The following SGPP2 variants were observed in gnomAD, a reference collection of about 807,000 sequenced individuals.
SGPP2 encodes sphingosine 1-phosphate phosphohydrolase 2.
A neutral mutation model predicts 33.9 loss-of-function variants in SGPP2; 30 were observed. That is an observed-to-expected ratio of 0.89 (90% CI 0.66 to 1.20). The LOEUF (loss-of-function observed/expected upper bound fraction) is 1.20, where lower values mean the gene tolerates loss of function less well. Ranked by LOEUF, SGPP2 falls within the 50% of genes most tolerant of loss-of-function variation. The pLI is 0.00. For missense variants in SGPP2, 458 were observed against 532.1 expected, an observed-to-expected ratio of 0.86 and a Z score of 1.37; for synonymous variants, 233 against 225.0, an observed-to-expected ratio of 1.04 and a Z score of -0.32.
intron 2 of SGPP2, among the ~76,000 whole-genome samples, chr2:222,518,876 T>C (rs185561200): frequency 4.6e-5 from 7 of 152,288 alleles, no homozygotes; most frequent in Admixed American, 2.6e-4. Flanking sequence ...CAAACACATA[T>C]GCAACACCTT....
chr2:222,520,008 T>C (rs967836393), intron 2 of SGPP2, among the ~76,000 whole-genome samples: 3 of 152,230 alleles, frequency 2.0e-5, no homozygotes, highest in Non-Finnish European at 2.9e-5. Flanking sequence ...TAGAATGATC[T>C]ATTTTCCTTT....
At chr2:222,472,839 A>G (rs1490529883) in intron 1 of SGPP2, among the ~76,000 whole-genome samples, 2 of 152,092 alleles carry the variant, frequency 1.3e-5, no homozygotes, top group African/African-American at 4.8e-5. Context: ...ACTTGGCGAA[A>G]CCCCGTCTCT....
At chr2:222,446,002 G>C (rs1018742403) in intron 1 of SGPP2, among the ~76,000 whole-genome samples, 3 of 152,228 alleles carry the variant, frequency 2.0e-5, no homozygotes, top group Non-Finnish European at 4.4e-5. Context: ...GATTAAATGT[G>C]CCATGTGGAA....
At chr2:222,429,741 T>A (rs1181737000) in intron 1 of SGPP2, among the ~76,000 whole-genome samples, 2 of 152,198 alleles carry the variant, frequency 1.3e-5, no homozygotes, top group Admixed American at 6.5e-5. Context: ...TTGATTATCT[T>A]CCAAATAAAA....
chr2:222,427,808 C>G (rs1375358456), intron 1 of SGPP2, among the ~76,000 whole-genome samples: 1 of 152,146 alleles, frequency 6.6e-6, no homozygotes, highest in Non-Finnish European at 1.5e-5. Flanking sequence ...TTCCTGTTTT[C>G]AAGTGACTAA....
At position 222,460,430 on chromosome 2, in the gene SGPP2, G is replaced by C. The variant is rs1466966737; in HGVS notation, c.220-14138G>C. Among the ~76,000 whole-genome samples the C allele has an allele frequency of 6.6e-6, 1 of 152,274 alleles. No homozygotes were observed. The highest frequency in any genetic ancestry group is 1.9e-4 in the East Asian group (1 of 5,178). On this transcript the variant is annotated intron_variant, in intron 1 of 4. Coordinates refer to ENST00000321276, the MANE Select transcript of SGPP2 (RefSeq NM_152386.4). This position sits in a 1 kb window ranked among gnomAD's most constrained non-coding sequence, Gnocchi z 4.3. ...AACCCCTGAGAACACGACATAAGCG[G>C]TTGAGCTTCATGGCAATATGTCTGT...
chr2:222,492,020 C>G (rs1369087916), intron 2 of SGPP2, among the ~76,000 whole-genome samples: 2 of 152,200 alleles, frequency 1.3e-5, no homozygotes, highest in East Asian at 3.9e-4. Context: ...AAATGATCTC[C>G]TTTGACTCCA....
In SGPP2 at chr2:222,492,105, CT is replaced by C. The variant is rs571780868; in HGVS notation, c.378+17384del. Among the ~76,000 whole-genome samples the C allele has an allele frequency of 9.2e-5, 14 of 152,286 alleles. No individual in the cohort carries two copies. The South Asian group carries it at 2.9e-3, about 32-fold the overall frequency. Reference sequence around the variant, plus strand: ...GTATGCTGGCATTGAGTGCCTGCAGCTTTTTCAGACACATGGTGCAAGCTGT... The same window carrying C: ...GTATGCTGGCATTGAGTGCCTGCAGCTTTTCAGACACATGGTGCAAGCTGT... On this transcript the variant is annotated intron_variant, in intron 2 of 4. Transcript: ENST00000321276.
Position 222,558,360 on chromosome 2 carries a change from G to T in SGPP2, c.662G>T (p.Gly221Val), listed in dbSNP as rs1477705720. ...TCCTTCCCAAAGGATGTGCTGGGTG[G>T]CGTCCTGATCACCGCACTCCTCATC... Reference protein sequence around the residue: ...GMHTVLDVLGGVLITALLIVL... With the variant: ...GMHTVLDVLGVVLITALLIVL... The change falls in exon 5 of 5, where the codon GGC becomes GTC. Residue 221 changes from glycine (G) to valine (V), a missense_variant. Coordinates refer to ENST00000321276, the MANE Select transcript of SGPP2 (RefSeq NM_152386.4). 9.9e-6 allele frequency: 16 copies of T among 1,613,864 alleles called. No individual in the cohort carries two copies. The highest frequency in any genetic ancestry group is 1.4e-5 in the Non-Finnish European group (16 of 1,179,968).
chr2:222,505,818 C>G (rs1473727919), intron 2 of SGPP2, among the ~76,000 whole-genome samples: 1 of 151,606 alleles, frequency 6.6e-6, no homozygotes, highest in African/African-American at 2.4e-5. Context: ...ACCTGTAGTC[C>G]CAGCTACTTG....
At chr2:222,427,283 C>T (rs556707845) in intron 1 of SGPP2, among the ~76,000 whole-genome samples, 1 of 152,088 alleles carries the variant, frequency 6.6e-6, no homozygotes, top group African/African-American at 2.4e-5. Flanking sequence ...TTTTAAGAGA[C>T]AGGGTCTTGC....
chr2:222,458,377 T>G (rs1457196676), intron 1 of SGPP2, among the ~76,000 whole-genome samples: 2 of 152,118 alleles, frequency 1.3e-5, no homozygotes, highest in African/African-American at 4.8e-5. Context: ...TGAAAGAAAC[T>G]CTGCTCCTTA....
At chr2:222,436,227 G>A (rs1697237868) in intron 1 of SGPP2, among the ~76,000 whole-genome samples, 1 of 152,146 alleles carries the variant, frequency 6.6e-6, no homozygotes, top group African/African-American at 2.4e-5. Context: ...GCCTCCTAGT[G>A]GCAGCGTTCC....
At chr2:222,508,693 T>C (rs1454644822) in intron 2 of SGPP2, among the ~76,000 whole-genome samples, 1 of 152,192 alleles carries the variant, frequency 6.6e-6, no homozygotes, top group Non-Finnish European at 1.5e-5. Flanking sequence ...AGAGGGAACA[T>C]TGGAAAGAAT....
upstream of SGPP2, among the ~76,000 whole-genome samples, chr2:222,424,220 C>A (rs1001728296): frequency 7.0e-6 from 1 of 143,386 alleles, no homozygotes; most frequent in African/African-American, 2.6e-5. Flanking sequence ...CAGGTGCACG[C>A]GCGCTCGGCC....
At chr2:222,479,199 G>A (rs1697992529) in intron 2 of SGPP2, among the ~76,000 whole-genome samples, 1 of 152,048 alleles carries the variant, frequency 6.6e-6, no homozygotes, top group Admixed American at 6.6e-5. Flanking sequence ...AAGCTGCCGT[G>A]GTTGTTTCTT....
chr2:222,516,335 C>T (rs555495488), intron 2 of SGPP2, among the ~76,000 whole-genome samples: 5 of 152,278 alleles, frequency 3.3e-5, no homozygotes, highest in South Asian at 2.1e-4. Context: ...GATTCATCCA[C>T]GTTGTAAGCA....
intron 4 of SGPP2, among the ~76,000 whole-genome samples, chr2:222,525,352 C>T (rs1428818121): frequency 2.6e-5 from 4 of 152,094 alleles, no homozygotes; most frequent in African/African-American, 7.2e-5. Flanking sequence ...GAAAAAGCCC[C>T]CAGGCTCATA....
intron 2 of SGPP2, among the ~76,000 whole-genome samples, chr2:222,492,684 G>T (rs1329169327): frequency 6.6e-6 from 1 of 152,188 alleles, no homozygotes; most frequent in Admixed American, 6.5e-5. Context: ...GCAAATTTCT[G>T]CAGCCAGCTT....
Sources: gnomAD v4.1 joint callset for allele counts (sites outside exome capture counted in the v4.1 genomes callset) on GRCh38, gnomAD v4.1.1 for gene constraint, Gnocchi (gnomAD v3.1) non-coding constraint, MANE v1.5 for transcripts, NCBI Gene and HGNC (gene_info 2026-07-23, HGNC 2026-07-21) for gene names.